Variants in CALN1 observed in about 807,000 individuals in gnomAD.
CALN1 encodes calcium-binding protein 8.
Under a neutral mutation model 30.6 loss-of-function variants are expected in CALN1, and 17 were observed. That is an observed-to-expected ratio of 0.56 (90% CI 0.38 to 0.83). The LOEUF is 0.83. CALN1 is among the 40% of genes least tolerant of loss of function. The pLI is 0.00. For synonymous variants in CALN1, 156 were observed against 131.4 expected (o/e 1.19, Z -1.28); for missense variants, 291 against 354.9 (o/e 0.82, Z 1.45).
the CALN1 span, among the ~76,000 whole-genome samples, chr7:72,472,620 T>C: frequency 1.1e-4 from 17 of 151,976 alleles, no homozygotes; most frequent in Non-Finnish European, 2.4e-4. Flanking sequence ...CCGTCTCTAC[T>C]AAAAATACAA....
chr7:71,797,871 C>A lies in CALN1; in HGVS notation c.659-9969G>T, dbSNP rs16869552. 8.8e-4 allele frequency among the ~76,000 whole-genome samples: 134 copies of A among 152,222 alleles called. 1 individual carries two copies. In the East Asian group the frequency reaches 0.023, roughly 26 times the overall value. ...CAAACCAGGTTGACCAGGTGTCATA[C>A]CCAAAGATTGTTCTGCAGTAGGCAC... On this transcript the variant is annotated intron_variant, in intron 6 of 6. Transcript: ENST00000395275.
Position 71,977,280 on chromosome 7 carries a change from A to G in CALN1, c.501+46377T>C, listed in dbSNP as rs567703102. Among the ~76,000 whole-genome samples, 79 of 152,230 alleles carry G rather than the reference A, an allele frequency of 5.2e-4. No homozygotes were observed. In the South Asian group the frequency reaches 8.5e-3, roughly 16 times the overall value. ...ACCCTATCTCTACCAAGAAAAAGAA[A>G]AAAATCAGCTGGCACAGCGGCATGC... On this transcript the variant is annotated intron_variant, in intron 5 of 6. Coordinates refer to ENST00000395275, the MANE Select transcript of CALN1 (RefSeq NM_031468.4).
chr7:71,940,346 C>T (rs997163901), intron 5 of CALN1, among the ~76,000 whole-genome samples: 5 of 152,202 alleles, frequency 3.3e-5, no homozygotes, highest in African/African-American at 1.2e-4. Flanking sequence ...ACTTACTAGC[C>T]ATTAACTCCA....
At chr7:72,179,340 G>A (rs945087472) in intron 3 of CALN1, among the ~76,000 whole-genome samples, 1 of 152,000 alleles carries the variant, frequency 6.6e-6, no homozygotes, top group Non-Finnish European at 1.5e-5. Flanking sequence ...CAATTTTTTT[G>A]ACTGTTCCCA....
intron 2 of CALN1, among the ~76,000 whole-genome samples, chr7:72,360,700 C>A (rs1021685345): frequency 6.8e-6 from 1 of 147,084 alleles, no homozygotes; most frequent in Non-Finnish European, 1.5e-5. Flanking sequence ...ATGTAACAAA[C>A]CTGCACGTTG....
rs568019900 is a variant in CALN1, at chr7:71,816,509, C to T, written c.502-6017G>A. Among the ~76,000 whole-genome samples the T allele has an allele frequency of 2.6e-5, 4 of 152,302 alleles. No individual in the cohort carries two copies. The East Asian group carries it at 7.7e-4, about 29-fold the overall frequency. On this transcript the variant is annotated intron_variant, in intron 5 of 6. Coordinates refer to ENST00000395275, the MANE Select transcript of CALN1 (RefSeq NM_031468.4). ...TGGCAAGATCAAGGTCAACAAGACT[C>T]AGAAAATGAGTAACCATTTCCTAAC...
chr7:71,831,059 C>T (rs1170546198), intron 5 of CALN1, among the ~76,000 whole-genome samples: 5 of 151,962 alleles, frequency 3.3e-5, no homozygotes, highest in South Asian at 2.1e-4. Context: ...ATGCAGACCC[C>T]GAGTTCAGGA....
intron 5 of CALN1, among the ~76,000 whole-genome samples, chr7:71,933,131 A>T (rs1795648010): frequency 6.6e-6 from 1 of 152,110 alleles, no homozygotes. Context: ...TCAAGAAAAA[A>T]GCTACCTGGG....
intron 3 of CALN1, among the ~76,000 whole-genome samples, chr7:72,222,528 C>T (rs916257225): frequency 2.0e-5 from 3 of 152,126 alleles, no homozygotes; most frequent in African/African-American, 7.2e-5. Flanking sequence ...GAAGTTTGCC[C>T]CCATGATCCA....
At position 71,955,910 on chromosome 7, in the gene CALN1, G is replaced by A. The variant is rs1796936002; in HGVS notation, c.501+67747C>T. ...CGCTATTTAGTCTGGCACCTGGGTG[G>A]TACCTGGTGATCTCAGAGCCGGCAG... On this transcript the variant is annotated intron_variant, in intron 5 of 6. Coordinates refer to ENST00000395275, the MANE Select transcript of CALN1 (RefSeq NM_031468.4). Among the ~76,000 whole-genome samples the A allele has an allele frequency of 2.6e-5, 4 of 152,008 alleles. No homozygotes were observed. In the South Asian group the frequency reaches 6.2e-4, roughly 24 times the overall value.
At chr7:71,799,269 G>A (rs1787157034) in intron 6 of CALN1, among the ~76,000 whole-genome samples, 1 of 152,086 alleles carries the variant, frequency 6.6e-6, no homozygotes, top group Non-Finnish European at 1.5e-5. Flanking sequence ...CACAGATGGA[G>A]AAAAGGAGAC....
intron 1 of CALN1, among the ~76,000 whole-genome samples, chr7:72,424,758 A>G (rs1169212808): frequency 6.6e-6 from 1 of 152,010 alleles, no homozygotes; most frequent in Non-Finnish European, 1.5e-5. Flanking sequence ...CACCACTCCC[A>G]TATAATTTTT....
chr7:72,472,717 G>A, the CALN1 span, among the ~76,000 whole-genome samples: 80 of 152,246 alleles, frequency 5.3e-4, no homozygotes, highest in Middle Eastern at 6.8e-3. Context: ...GGGAGGCAGA[G>A]GTTGCAGTGA....
intron 5 of CALN1, among the ~76,000 whole-genome samples, chr7:71,831,859 G>A (rs1219761746): frequency 1.5e-5 from 1 of 68,734 alleles, no homozygotes; most frequent in African/African-American, 5.6e-5. Context: ...TGAAGGGAGT[G>A]AAACCCTGCC....
rs1168903429 is a variant in CALN1, at chr7:71,781,463, C to T, written c.*6312G>A. ...CACAGAGCCTTTCGTGTGGATCAGA[C>T]TGATGGGCAGCCCCATGGCACTCAA... On this transcript the variant is annotated 3_prime_UTR_variant, in exon 7 of 7. Coordinates refer to ENST00000395275, the MANE Select transcript of CALN1 (RefSeq NM_031468.4). The T allele has an allele frequency of 6.6e-6, 1 of 152,170 alleles. No homozygotes were observed. The highest frequency in any genetic ancestry group is 2.4e-5 in the African/African-American group (1 of 41,428). The allele number at this position is 152,170 out of a possible 1,614,324, so 9.4% of individuals were successfully genotyped here.
intron 2 of CALN1, among the ~76,000 whole-genome samples, chr7:72,363,382 G>A (rs1400643307): frequency 1.3e-5 from 2 of 152,114 alleles, no homozygotes; most frequent in Non-Finnish European, 2.9e-5. Flanking sequence ...GGGATTACAG[G>A]CAGGCACCAC....
intron 2 of CALN1, among the ~76,000 whole-genome samples, chr7:72,361,303 C>T (rs1301740254): frequency 1.3e-5 from 2 of 152,016 alleles, no homozygotes; most frequent in Non-Finnish European, 2.9e-5. Context: ...TTTTGAATAC[C>T]ACCTACTATG....
At chr7:72,193,687 T>C (rs1005526936) in intron 3 of CALN1, among the ~76,000 whole-genome samples, 1 of 152,232 alleles carries the variant, frequency 6.6e-6, no homozygotes, top group African/African-American at 2.4e-5. Context: ...TAAGCATCTA[T>C]GTATCTCAAT....
chr7:72,120,519 A>G (rs577840538), intron 3 of CALN1, among the ~76,000 whole-genome samples: 1 of 152,264 alleles, frequency 6.6e-6, no homozygotes, highest in African/African-American at 2.4e-5. Flanking sequence ...ACAAATTGTC[A>G]TGCATTTTCA....
Sources: allele counts gnomAD v4.1 joint callset (sites outside exome capture counted in the v4.1 genomes callset), GRCh38; gene constraint gnomAD v4.1.1; transcripts MANE v1.5; gene names NCBI Gene and HGNC (gene_info 2026-07-23, HGNC 2026-07-21).